VAX2: variants seen among roughly 807,000 people sequenced by gnomAD.
VAX2 encodes ventral anterior homeobox 2.
A neutral mutation model predicts 12.5 loss-of-function variants in VAX2; 8 were observed. The observed-to-expected ratio is 0.64, with a 90% CI of 0.37 to 1.15. VAX2 has a LOEUF of 1.15. VAX2 is among the 50% of genes most tolerant of loss of function. The pLI, the probability that VAX2 is intolerant of heterozygous loss-of-function variation, is 0.01. For missense variants in VAX2, 476 were observed against 412.9 expected (o/e 1.15, Z -1.32); for synonymous variants, 183 against 187.6 (o/e 0.98, Z 0.20).
chr2:70,903,616 C>A (rs1260825823), intron 1 of VAX2, among the ~76,000 whole-genome samples: 1 of 152,208 alleles, frequency 6.6e-6, no homozygotes, highest in African/African-American at 2.4e-5. Context: ...TCTTAAAGGA[C>A]TTGCCAAGAA....
At chr2:70,901,147 G>T (rs573448461) in intron 1 of VAX2, among the ~76,000 whole-genome samples, 1 of 152,248 alleles carries the variant, frequency 6.6e-6, no homozygotes, top group Non-Finnish European at 1.5e-5. Context: ...ACTGTGGCGG[G>T]GGCAGAAATG....
chr2:70,911,405 A>G (rs183109272), intron 1 of VAX2, among the ~76,000 whole-genome samples: 1 of 152,324 alleles, frequency 6.6e-6, no homozygotes, highest in Admixed American at 6.5e-5. Flanking sequence ...CTATGCTACA[A>G]ACAGTGGGTC....
intron 1 of VAX2, among the ~76,000 whole-genome samples, chr2:70,910,847 G>A (rs552453892): frequency 1.4e-5 from 2 of 147,020 alleles, no homozygotes; most frequent in East Asian, 1.9e-4. Flanking sequence ...CTTTCTTTGT[G>A]GGATTTTTTT....
intron 1 of VAX2, among the ~76,000 whole-genome samples, chr2:70,901,292 G>A (rs557635434): frequency 6.6e-6 from 1 of 152,382 alleles, no homozygotes; most frequent in Admixed American, 6.5e-5. Flanking sequence ...AAAGGCCCCG[G>A]CTCTGCAGGG....
At chr2:70,905,967 C>T (rs1460935730) in intron 1 of VAX2, among the ~76,000 whole-genome samples, 7 of 152,228 alleles carry the variant, frequency 4.6e-5, no homozygotes, top group African/African-American at 1.7e-4. Context: ...GGCTACATTT[C>T]TTTGATTTCT....
chr2:70,920,065 C>T (rs1553412592), intron 1 of VAX2, among the ~76,000 whole-genome samples: 1 of 152,098 alleles, frequency 6.6e-6, no homozygotes. Context: ...CTTTCTTGGG[C>T]TTCCTCAAGG....
intron 2 of VAX2, among the ~76,000 whole-genome samples, chr2:70,930,872 C>T (rs1553414219): frequency 6.6e-6 from 1 of 152,236 alleles, no homozygotes; most frequent in African/African-American, 2.4e-5. Flanking sequence ...ACGGTTCTCA[C>T]CCTCCCTGCC....
intron 1 of VAX2, 70 bp from the exon 2 acceptor site, chr2:70,921,028 T>C: frequency 7.0e-7 from 1 of 1,437,656 alleles, no homozygotes; most frequent in Non-Finnish European, 9.2e-7. Context: ...CCACCTTTTA[T>C]TAAGATGCTT....
In VAX2 at chr2:70,933,262, C is replaced by G; in HGVS notation, c.*58C>G. 6.9e-7 allele frequency: 1 copy of G among 1,449,202 alleles called. No individual in the cohort carries two copies. Among genetic ancestry groups the G allele is most frequent in the Non-Finnish European group, 9.1e-7 (1 of 1,096,546 alleles). 89.8% of individuals were successfully genotyped at this position (1,449,202 alleles called of 1,614,324 possible). A position where few individuals can be genotyped will look rare whatever the true frequency, so the allele number is the denominator to read the frequency against. ...CAGCACCTTCCCAGTCTCCTGTGCCCCAGCGGACAGCACTGAGCAGGCCCC... is the reference window on the plus strand; with the variant it reads ...CAGCACCTTCCCAGTCTCCTGTGCCGCAGCGGACAGCACTGAGCAGGCCCC... On this transcript the variant is annotated 3_prime_UTR_variant, in exon 3 of 3. Transcript: ENST00000234392.
intron 1 of VAX2, among the ~76,000 whole-genome samples, chr2:70,913,418 A>T (rs1679234236): frequency 6.6e-6 from 1 of 152,192 alleles, no homozygotes; most frequent in Non-Finnish European, 1.5e-5. Context: ...GCAGTGGCTT[A>T]CGCCTGTAAT....
chr2:70,920,902 A>G (rs1173257958), intron 1 of VAX2, among the ~76,000 whole-genome samples, 196 bp from the exon 2 acceptor site: 1 of 152,070 alleles, frequency 6.6e-6, no homozygotes, highest in Non-Finnish European at 1.5e-5. Flanking sequence ...TTAGCCACCC[A>G]TTAGATATAA....
Position 70,932,871 on chromosome 2 carries a change from C to T in VAX2, c.540C>T (p.Ser180=), listed in dbSNP as rs375536449. 3 of 1,613,722 alleles carry T rather than the reference C, an allele frequency of 1.9e-6. No individual in the cohort carries two copies. Among genetic ancestry groups the T allele is most frequent in the Non-Finnish European group, 2.5e-6 (3 of 1,179,978 alleles). Residue 180 remains serine (S), a synonymous_variant, in exon 3 of 3, where the codon TCC becomes TCT. Coordinates refer to ENST00000234392, the MANE Select transcript of VAX2 (RefSeq NM_012476.3). The part of the protein sequence containing the change: ...SSSASEAFAT[S]NILRLLEQGR... ...CAGCCTCCGAGGCCTTTGCCACCTC[C>T]AACATTCTGCGGCTGCTGGAGCAGG...
At chr2:70,928,762 A>G (rs1249785987) in intron 2 of VAX2, among the ~76,000 whole-genome samples, 2 of 152,206 alleles carry the variant, frequency 1.3e-5, no homozygotes, top group African/African-American at 4.8e-5. Context: ...GAGTCATGAC[A>G]TCTGTGTCTC....
At chr2:70,910,396 A>G (rs1679155527) in intron 1 of VAX2, among the ~76,000 whole-genome samples, 1 of 152,168 alleles carries the variant, frequency 6.6e-6, no homozygotes, top group African/African-American at 2.4e-5. Flanking sequence ...TTTAAAATCC[A>G]AGGATATACA....
At chr2:70,908,831 T>C (rs1553410884) in intron 1 of VAX2, among the ~76,000 whole-genome samples, 1 of 152,214 alleles carries the variant, frequency 6.6e-6, no homozygotes. Flanking sequence ...CAGTTCACAT[T>C]TTACATCCTG....
chr2:70,932,349 G>A (rs1444076047), intron 2 of VAX2, among the ~76,000 whole-genome samples: 1 of 152,120 alleles, frequency 6.6e-6, no homozygotes, highest in African/African-American at 2.4e-5. Context: ...TCAGATCTCT[G>A]GGCCTGAGGT....
chr2:70,915,638 A>G (rs1553411855), intron 1 of VAX2, among the ~76,000 whole-genome samples: 1 of 152,218 alleles, frequency 6.6e-6, no homozygotes. Context: ...ATCATCTATG[A>G]TTTGGTCTTT....
At chr2:70,901,028 T>C (rs1216893447) in intron 1 of VAX2, among the ~76,000 whole-genome samples, 160 bp downstream of exon 1, 2 of 152,266 alleles carry the variant, frequency 1.3e-5, no homozygotes, top group African/African-American at 2.4e-5. Context: ...TATTGTGTGC[T>C]GGACATTAAG....
rs782419826 is a variant in VAX2 at position 70,921,930 on chromosome 2, C to CACT, written c.435+662_435+664dup. Among the ~76,000 whole-genome samples, 22 of 152,084 alleles carry CACT rather than the reference C, an allele frequency of 1.4e-4. No homozygotes were observed. In the Middle Eastern group the frequency reaches 0.01, roughly 71 times the overall value. On this transcript the variant is annotated intron_variant, in intron 2 of 2. Coordinates refer to ENST00000234392, the MANE Select transcript of VAX2 (RefSeq NM_012476.3). The stretch of plus-strand genomic sequence containing the variant: ...TGGTACTAGAGCTATAAAATACTAC[C>CACT]ACTACTACTACTACTACTAATACTT...
Sources: gnomAD v4.1 joint callset for allele counts (sites outside exome capture counted in the v4.1 genomes callset) on GRCh38, gnomAD v4.1.1 for gene constraint, MANE v1.5 for transcripts, NCBI Gene and HGNC (gene_info 2026-07-23, HGNC 2026-07-21) for gene names.